The following IFT172 variants were observed in gnomAD, a reference collection of about 807,000 sequenced individuals.
IFT172 encodes intraflagellar transport protein 172 homolog.
Under a neutral mutation model 248.9 loss-of-function variants are expected in IFT172, and 164 were observed. The ratio of observed to expected loss-of-function variants is 0.66; its 90% confidence interval spans 0.58 to 0.75. The LOEUF is 0.75. Among genes scored for constraint, IFT172 ranks in the 30% least tolerant of loss-of-function variants. The pLI, the probability that IFT172 is intolerant of heterozygous loss-of-function variation, is 0.00. For synonymous variants in IFT172, 729 were observed against 791.6 expected (o/e 0.92, Z 1.33); for missense variants, 1,950 against 2,192.4 (o/e 0.89, Z 2.21).
At chr2:27,458,266 C>T in intron 26 of IFT172, 43 bp from the exon 27 acceptor site, 1 of 1,520,792 alleles carries the variant, frequency 6.6e-7, no homozygotes, top group Non-Finnish European at 9.1e-7. Flanking sequence ...TCCAATTCCC[C>T]AGGGAAGCAG....
At chr2:27,483,168 T>A (rs1248731583) in intron 7 of IFT172, 121 bp downstream of exon 7, 2 of 666,244 alleles carry the variant, frequency 3.0e-6, no homozygotes, top group Non-Finnish European at 5.4e-6. Flanking sequence ...CATGCCCGAC[T>A]AATTTTTGTA....
intron 14 of IFT172, among the ~76,000 whole-genome samples, chr2:27,473,388 AG>A (rs1328654933): frequency 3.4e-5 from 5 of 148,340 alleles, no homozygotes; most frequent in African/African-American, 1.2e-4. Flanking sequence ...AAAAAAAAAA[AG>A]GAAAATGATA....
At chr2:27,462,984 T>G (rs1666797166) in intron 19 of IFT172, 113 bp downstream of exon 19, 1 of 1,259,744 alleles carries the variant, frequency 7.9e-7, no homozygotes, top group Admixed American at 1.9e-5. Context: ...AAAGGTGGGG[T>G]GGGCAGGGTA....
Position 27,483,578 on chromosome 2 carries a change from A to G in IFT172, c.482+2T>C. ...CTAGTGATACTACTCCTCTTTACTC[A>G]CTTTGTTGTCAGGGACACCACGTAA... is the stretch of plus-strand genomic sequence containing the variant. On this transcript the variant is annotated splice_donor_variant, in intron 6 of 47. Coordinates refer to ENST00000260570, the MANE Select transcript of IFT172 (RefSeq NM_015662.3). LOFTEE classifies it high-confidence loss of function. 2 of 1,613,430 alleles carry G rather than the reference A, an allele frequency of 1.2e-6. No homozygotes were observed. Among genetic ancestry groups the G allele is most frequent in the Non-Finnish European group, 1.7e-6 (2 of 1,179,732 alleles).
chr2:27,459,774 T>A lies in IFT172; in HGVS notation c.2577A>T (p.Ala859=), dbSNP rs1469264656. The A allele has an allele frequency of 1.2e-6, 2 of 1,613,078 alleles. No individual in the cohort carries two copies. Among genetic ancestry groups the A allele is most frequent in the South Asian group, 2.2e-5 (2 of 91,090 alleles). The stretch of plus-strand genomic sequence containing the variant: ...TCTGCTGCACCAGGTGGTCCCCCCA[T>A]GCCTCCTCTAGTTTCACCACCTCCA... ...FPVEVVKLEE[A]WGDHLVQQKQ... Residue 859 remains alanine, a synonymous_variant, in exon 24 of 48, where the codon GCA becomes GCT. Coordinates refer to ENST00000260570, the MANE Select transcript of IFT172 (RefSeq NM_015662.3).
At chr2:27,477,974 A>G in intron 11 of IFT172, 21 bp downstream of exon 11, 1 of 1,613,474 alleles carries the variant, frequency 6.2e-7, no homozygotes, top group Non-Finnish European at 8.5e-7. Flanking sequence ...TCCCCACCCT[A>G]CCCTCAATTT....
intron 42 of IFT172, among the ~76,000 whole-genome samples, 176 bp downstream of exon 42, chr2:27,447,339 G>A (rs1665230005): frequency 6.6e-6 from 1 of 152,306 alleles, no homozygotes; most frequent in South Asian, 2.1e-4. Flanking sequence ...AAAAAGGTCG[G>A]AAGAAGAAAA....
intron 14 of IFT172, chr2:27,475,731 A>T (rs1050688009): frequency 2.6e-5 from 4 of 152,114 alleles, no homozygotes; most frequent in African/African-American, 9.7e-5. Flanking sequence ...ACTTCCTGAG[A>T]TCACACAGGT....
chr2:27,470,889 C>T (rs749261224), intron 16 of IFT172, 39 bp downstream of exon 16: 2 of 1,534,020 alleles, frequency 1.3e-6, no homozygotes, highest in East Asian at 2.3e-5. Flanking sequence ...AATTAATCAG[C>T]TCAATACCAC....
At chr2:27,466,385 C>T (rs1490527582) in intron 16 of IFT172, among the ~76,000 whole-genome samples, 1 of 152,112 alleles carries the variant, frequency 6.6e-6, no homozygotes, top group African/African-American at 2.4e-5. Flanking sequence ...AAAGCAAATG[C>T]AGTGTCAGGA....
At chr2:27,458,945 T>G in intron 25 of IFT172, 77 bp from the exon 26 acceptor site, 1 of 1,488,186 alleles carries the variant, frequency 6.7e-7, no homozygotes, top group Non-Finnish European at 9.2e-7. Flanking sequence ...AGAACAAACC[T>G]TGGCTGGGAT....
At position 27,453,679 on chromosome 2, in the gene IFT172, C is replaced by G; in HGVS notation, c.3772G>C (p.Glu1258Gln). Reference protein sequence around the residue: ...ICKDYVPSQLEALQEEYEREA... With the variant: ...ICKDYVPSQLQALQEEYEREA... ...CGCTCATATTCTTCCTGCAGAGCCT[C>G]CAGCTGGCTGGGCACATAGTCCTTG... The change falls in exon 34 of 48, where the codon GAG becomes CAG. Residue 1258 changes from glutamate to glutamine, a missense_variant. Around this residue, in one of 3 missense-constraint regions of IFT172, gnomAD observed 620 missense variants for 699.0 expected, o/e 0.89. Coordinates refer to ENST00000260570, the MANE Select transcript of IFT172 (RefSeq NM_015662.3). 2 of 1,612,644 alleles carry G rather than the reference C, an allele frequency of 1.2e-6. No homozygotes were observed. Among genetic ancestry groups the G allele is most frequent in the Non-Finnish European group, 8.5e-7 (1 of 1,179,582 alleles).
At position 27,489,735 on chromosome 2, in the gene IFT172, A is replaced by T; in HGVS notation, c.-82T>A. 1.4e-5 allele frequency: 15 copies of T among 1,064,858 alleles called. No individual in the cohort carries two copies. Among genetic ancestry groups the T allele is most frequent in the Non-Finnish European group, 2.1e-5 (15 of 698,672 alleles). The allele number at this position is 1,064,858 out of a possible 1,614,324, so 66.0% of individuals were successfully genotyped here. A position where few individuals can be genotyped will look rare whatever the true frequency, so the allele number is the denominator to read the frequency against. On this transcript the variant is annotated 5_prime_UTR_variant, in exon 1 of 48. Transcript: ENST00000260570. ...GACAACCCGCCACGCAGCCGCAGCG[A>T]CAGGCACTGACGCTTATGCGACCGG...
At position 27,450,003 on chromosome 2, in the gene IFT172, T is replaced by A. The variant is rs765362471; in HGVS notation, c.4045A>T (p.Ser1349Cys). ...CATCTCAGCATCCTACTTACTGCAC[T>A]GTGCTTTCCAATTCCAATCAGCTGG... Reference protein sequence around the residue: ...GPQLIGIGKHSAAAELYLNLD... With the variant: ...GPQLIGIGKHCAAAELYLNLD... The change falls in exon 36 of 48, where the codon AGT becomes TGT. Residue 1349 changes from serine to cysteine, a missense_variant. Transcript: ENST00000260570. 1.9e-6 allele frequency: 3 copies of A among 1,612,262 alleles called. No homozygotes were observed. In the East Asian group the frequency reaches 6.7e-5, roughly 36 times the overall value.
intron 14 of IFT172, among the ~76,000 whole-genome samples, chr2:27,472,748 A>C (rs1451370231): frequency 6.6e-6 from 1 of 152,224 alleles, no homozygotes; most frequent in Non-Finnish European, 1.5e-5. Context: ...ACTGTGTAAG[A>C]GCACTGCAAG....
rs369466577 is a variant in IFT172, at chr2:27,457,947, A to T, written c.3005T>A (p.Leu1002His). 94 of 1,614,174 alleles carry T rather than the reference A, an allele frequency of 5.8e-5. No homozygotes were observed. In the African/African-American group the frequency reaches 9.7e-4, roughly 17 times the overall value. ...RLYVTVQEPD[L>H]AITMYKKHKL... ...GTGCTTTTTGTACATGGTGATGGCAAGATCAGGCTCTTGTACTGTCACATA... is the reference window on the plus strand; with the variant it reads ...GTGCTTTTTGTACATGGTGATGGCATGATCAGGCTCTTGTACTGTCACATA... The change falls in exon 28 of 48, where the codon CTT (leucine) becomes CAT (histidine). Residue 1002 changes from leucine (L) to histidine (H), a missense_variant. Transcript: ENST00000260570.
At position 27,454,211 on chromosome 2, in the gene IFT172, C is replaced by T. The variant is rs765454466; in HGVS notation, c.3531-49G>A. Reference sequence around the variant, plus strand: ...AGAGACTGAGTATAGGACTGAGGCCCCAATAGTGGGAGACAAACAGCCATG... The same window carrying T: ...AGAGACTGAGTATAGGACTGAGGCCTCAATAGTGGGAGACAAACAGCCATG... On this transcript the variant is annotated intron_variant, in intron 32 of 47. Coordinates refer to ENST00000260570, the MANE Select transcript of IFT172 (RefSeq NM_015662.3). This position sits in a 1 kb window ranked among gnomAD's most constrained non-coding sequence, Gnocchi z 4.2. The T allele has an allele frequency of 2.1e-5, 33 of 1,602,046 alleles. No individual in the cohort carries two copies. Among genetic ancestry groups the T allele is most frequent in the African/African-American group, 1.3e-5 (1 of 74,614 alleles).
chr2:27,445,076 A>G lies in IFT172; in HGVS notation c.5098T>C (p.Phe1700Leu). ...GYPILRNKIEFKRPGKAANKD... is the reference protein window; with the variant it reads ...GYPILRNKIELKRPGKAANKD... Reference sequence around the variant, plus strand: ...TTAGCAGCCTTCCCTGGCCGCTTAAATTCAATTTTGTTCCTCAGAATGGGG... The same window carrying G: ...TTAGCAGCCTTCCCTGGCCGCTTAAGTTCAATTTTGTTCCTCAGAATGGGG... The change falls in exon 47 of 48, where the codon TTT (phenylalanine) becomes CTT (leucine). Residue 1700 changes from phenylalanine to leucine, a missense_variant. Phe to Leu is a conservative substitution (Grantham distance 22). Coordinates refer to ENST00000260570, the MANE Select transcript of IFT172 (RefSeq NM_015662.3). The surrounding 1 kb of genome is among the most constrained non-coding windows in gnomAD (Gnocchi z 4.4). 6.2e-7 allele frequency: 1 copy of G among 1,614,126 alleles called. No individual in the cohort carries two copies. Among genetic ancestry groups the G allele is most frequent in the Non-Finnish European group, 8.5e-7 (1 of 1,180,028 alleles).
At chr2:27,446,194 G>C in intron 43 of IFT172, 66 bp downstream of exon 43, 1 of 1,491,930 alleles carries the variant, frequency 6.7e-7, no homozygotes, top group South Asian at 1.1e-5. Context: ...CAGAGCAGAA[G>C]GGATATTCTA....
Sources: gnomAD v4.1 joint callset for allele counts (sites outside exome capture counted in the v4.1 genomes callset) on GRCh38, gnomAD v4.1.1 for gene constraint, gnomAD v4.1.1 regional missense constraint, Gnocchi (gnomAD v3.1) non-coding constraint, MANE v1.5 for transcripts, NCBI Gene and HGNC (gene_info 2026-07-23, HGNC 2026-07-21) for gene names.